Variants in UBXN2B observed in about 807,000 individuals in gnomAD.
UBXN2B encodes the protein UBX domain-containing protein 2B.
Under a neutral mutation model 37.5 loss-of-function variants are expected in UBXN2B, and 19 were observed. The ratio of observed to expected loss-of-function variants is 0.51; its 90% CI spans 0.35 to 0.74. UBXN2B has a LOEUF of 0.74. UBXN2B is among the 30% of genes least tolerant of loss of function. The pLI, the probability that UBXN2B is intolerant of heterozygous loss-of-function variation, is 0.01. For missense variants in UBXN2B, 370 were observed against 393.2 expected (o/e 0.94, Z 0.50); for synonymous variants, 145 against 143.8 (o/e 1.01, Z -0.06).
chr8:58,445,658 A>G lies in UBXN2B; in HGVS notation c.672-249A>G, dbSNP rs193166253. Among the ~76,000 whole-genome samples the G allele has an allele frequency of 7.9e-4, 121 of 152,320 alleles. 1 individual carries two copies. Among genetic ancestry groups the G allele is most frequent in the African/African-American group, 2.5e-3 (102 of 41,582 alleles). ...CTCAGAGTTGCTCGTATTTCTAAAT[A>G]AAACTGGTTTGCTAAACAGTGATGA... On this transcript the variant is annotated intron_variant, in intron 6 of 7. Transcript: ENST00000399598.
chr8:58,417,005 A>C (rs1193529380), intron 2 of UBXN2B, 52 bp downstream of exon 2: 2 of 1,419,068 alleles, frequency 1.4e-6, no homozygotes, highest in African/African-American at 2.9e-5. Flanking sequence ...CTTTCTAAAA[A>C]TTTACTAACT....
At chr8:58,443,638 C>CAAAAAAAAAA (rs754470490) in intron 6 of UBXN2B, among the ~76,000 whole-genome samples, 5 of 59,560 alleles carry the variant, frequency 8.4e-5, no homozygotes, top group Admixed American at 1.9e-4. Flanking sequence ...ACTAAAAATC[C>CAAAAAAAAAA]AAAAAAAAAA....
intron 5 of UBXN2B, among the ~76,000 whole-genome samples, chr8:58,435,265 A>G (rs1403265555): frequency 1.3e-5 from 2 of 152,252 alleles, no homozygotes; most frequent in Admixed American, 1.3e-4. Flanking sequence ...AAGGTGGAAC[A>G]TTTCCAAATG....
intron 6 of UBXN2B, among the ~76,000 whole-genome samples, chr8:58,441,367 ATGTATGTG>A (rs1563467262): frequency 4.9e-5 from 7 of 142,422 alleles, no homozygotes; most frequent in South Asian, 4.5e-4. Flanking sequence ...ATATATATAT[ATGTATGTG>A]TATATATATG....
Position 58,428,779 on chromosome 8 carries a change from G to A in UBXN2B, c.189-1740G>A, listed in dbSNP as rs184898625. On this transcript the variant is annotated intron_variant, in intron 2 of 7. Transcript: ENST00000399598. ...TTGTAAAGCTGCAATGGTTAAGAGA[G>A]TAAGAACTGACAGTAGACCATGGAC... Among the ~76,000 whole-genome samples, 268 of 152,326 alleles carry A rather than the reference G, an allele frequency of 1.8e-3. 1 individual carries two copies. Among genetic ancestry groups the A allele is most frequent in the African/African-American group, 5.9e-3 (245 of 41,566 alleles).
At chr8:58,424,481 C>T in intron 2 of UBXN2B, 1 of 609,212 alleles carries the variant, frequency 1.6e-6, no homozygotes, top group Non-Finnish European at 2.9e-6. Context: ...GCAAGCCTTC[C>T]AAATCCAAAT....
At chr8:58,434,647 T>C (rs1053973219) in intron 5 of UBXN2B, 143 bp downstream of exon 5, 1 of 969,058 alleles carries the variant, frequency 1.0e-6, no homozygotes, top group Non-Finnish European at 1.5e-6. Context: ...GGTGTAGGTA[T>C]TCTTAAGTTT....
intron 5 of UBXN2B, among the ~76,000 whole-genome samples, chr8:58,436,269 C>T (rs1004297169): frequency 2.0e-5 from 3 of 152,110 alleles, no homozygotes; most frequent in South Asian, 2.1e-4. Context: ...TTTACATGGT[C>T]GTAAAGTGGA....
Position 58,427,578 on chromosome 8 carries a change from A to T in UBXN2B, c.189-2941A>T, listed in dbSNP as rs143443010. 3.3e-4 allele frequency among the ~76,000 whole-genome samples: 51 copies of T among 152,332 alleles called. No homozygotes were observed. In the East Asian group the frequency reaches 9.6e-3, roughly 29 times the overall value. ...CATTGTAGAAATGTAATGACATGGG[A>T]TATAGGGAGTAAGCCAGTGGGAAAG... is the stretch of plus-strand genomic sequence containing the variant. On this transcript the variant is annotated intron_variant, in intron 2 of 7. Coordinates refer to ENST00000399598, the MANE Select transcript of UBXN2B (RefSeq NM_001077619.2).
At chr8:58,428,405 C>A (rs988351952) in intron 2 of UBXN2B, among the ~76,000 whole-genome samples, 1 of 152,144 alleles carries the variant, frequency 6.6e-6, no homozygotes, top group South Asian at 2.1e-4. Flanking sequence ...AAATAAAGCT[C>A]ATTATGTGTA....
chr8:58,438,676 G>A (rs747773601), intron 5 of UBXN2B, among the ~76,000 whole-genome samples: 2 of 152,164 alleles, frequency 1.3e-5, no homozygotes, highest in Non-Finnish European at 2.9e-5. Flanking sequence ...CAGGATTATA[G>A]GTAGAAAGAA....
rs1321703472 is a variant in UBXN2B at position 58,413,819 on chromosome 8, T to A, written c.84+2350T>A. On this transcript the variant is annotated intron_variant, in intron 1 of 7. Transcript: ENST00000399598. ...CATAGCTCCCTTCATCCCCCTCAAA[T>A]AAGGAGATGGTCATGGGGAAAGTTA... 2.0e-5 allele frequency among the ~76,000 whole-genome samples: 3 copies of A among 152,188 alleles called. No individual in the cohort carries two copies. The East Asian group carries it at 5.8e-4, about 29-fold the overall frequency.
At chr8:58,441,384 T>TGTATGTATGTGTATATATA (rs1221312483) in intron 6 of UBXN2B, among the ~76,000 whole-genome samples, 2 of 149,326 alleles carry the variant, frequency 1.3e-5, no homozygotes, top group Non-Finnish European at 3.0e-5. Flanking sequence ...TGTATATATA[T>TGTATGTATGTGTATATATA]GTATGTATGT....
intron 6 of UBXN2B, 53 bp downstream of exon 6, chr8:58,439,823 G>A (rs1484791394): frequency 6.5e-7 from 1 of 1,546,290 alleles, no homozygotes; most frequent in African/African-American, 1.4e-5. Flanking sequence ...ATTTTTCTTT[G>A]AGAATAAGAA....
intron 1 of UBXN2B, among the ~76,000 whole-genome samples, chr8:58,416,033 G>T (rs1402718634): frequency 7.6e-5 from 11 of 144,724 alleles, no homozygotes; most frequent in East Asian, 2.0e-4. Flanking sequence ...GGGTTTTTTT[G>T]TTTGTTTGTT....
chr8:58,413,947 CAT>C (rs1273206963), intron 1 of UBXN2B, among the ~76,000 whole-genome samples: 1 of 152,156 alleles, frequency 6.6e-6, no homozygotes, highest in African/African-American at 2.4e-5. Flanking sequence ...CCGCCACACA[CAT>C]GTTCATTAAG....
intron 2 of UBXN2B, among the ~76,000 whole-genome samples, chr8:58,421,780 C>T (rs1348435034): frequency 6.6e-6 from 1 of 152,172 alleles, no homozygotes; most frequent in Non-Finnish European, 1.5e-5. Context: ...ACATGATAAG[C>T]CTTAGCAACC....
At chr8:58,445,061 C>A (rs1465861877) in intron 6 of UBXN2B, among the ~76,000 whole-genome samples, 3 of 152,148 alleles carry the variant, frequency 2.0e-5, no homozygotes, top group Non-Finnish European at 4.4e-5. Context: ...GAAAAAACTT[C>A]AAGACTATCA....
chr8:58,444,789 C>G (rs1439514377), intron 6 of UBXN2B, among the ~76,000 whole-genome samples: 5 of 152,012 alleles, frequency 3.3e-5, no homozygotes, highest in Admixed American at 3.3e-4. Context: ...TTTATGTATC[C>G]TCAAATCAGT....
Sources: gnomAD v4.1 joint callset for allele counts (sites outside exome capture counted in the v4.1 genomes callset) on GRCh38, gnomAD v4.1.1 for gene constraint, MANE v1.5 for transcripts, NCBI Gene and HGNC (gene_info 2026-07-23, HGNC 2026-07-21) for gene names.